Variants in RANBP17 observed in about 807,000 individuals in gnomAD.
The protein encoded by RANBP17 is ran-binding protein 17.
Under a neutral mutation model 141.2 loss-of-function variants are expected in RANBP17, and 158 were observed. The ratio of observed to expected loss-of-function variants is 1.12; its 90% CI spans 0.98 to 1.28. The LOEUF (loss-of-function observed/expected upper bound fraction) is 1.28. Ranked by LOEUF, RANBP17 falls within the 50% of genes most tolerant of loss-of-function variation. The pLI, the probability that RANBP17 is intolerant of heterozygous loss-of-function variation, is 0.00. For missense variants in RANBP17, 1,438 were observed against 1,290.7 expected (o/e 1.11, Z -1.75); for synonymous variants, 430 against 450.0 (o/e 0.96, Z 0.56).
rs921528261 is a variant in RANBP17, at chr5:170,924,513, A to G, written c.1431A>G (p.Pro477=). Residue 477 remains proline (P), a synonymous_variant, in exon 12 of 28, where the codon CCA becomes CCG. Coordinates refer to ENST00000523189, the MANE Select transcript of RANBP17 (RefSeq NM_022897.5). The part of the protein sequence containing the change: ...NAQNYQKLLH[P]YSGVTVDITI... ...AGAATTACCAAAAACTTCTGCATCC[A>G]TATTCTGGTGTAACTGTGGACATCA... 4 of 1,610,914 alleles carry G rather than the reference A, an allele frequency of 2.5e-6. No individual in the cohort carries two copies. The highest frequency in any genetic ancestry group is 1.3e-5 in the African/African-American group (1 of 75,014).
chr5:171,257,800 A>T (rs1765999804), intron 24 of RANBP17, among the ~76,000 whole-genome samples: 1 of 152,172 alleles, frequency 6.6e-6, no homozygotes, highest in Non-Finnish European at 1.5e-5. Context: ...AGTGCCATTT[A>T]TAATAGCTAT....
chr5:171,013,325 T>A (rs1333959872), intron 14 of RANBP17, among the ~76,000 whole-genome samples: 1 of 152,156 alleles, frequency 6.6e-6, no homozygotes, highest in African/African-American at 2.4e-5. Context: ...TCCAGCCGAC[T>A]TTCCTATTGA....
At chr5:171,238,982 C>T (rs990784680) in intron 22 of RANBP17, among the ~76,000 whole-genome samples, 5 of 152,172 alleles carry the variant, frequency 3.3e-5, no homozygotes, top group South Asian at 2.1e-4. Context: ...TTTCCCCCAA[C>T]GGACTGAACT....
intron 14 of RANBP17, among the ~76,000 whole-genome samples, chr5:171,090,800 C>T (rs190752480): frequency 2.0e-5 from 3 of 152,258 alleles, no homozygotes; most frequent in Admixed American, 2.0e-4. Context: ...GGGTGGAAGC[C>T]CCAAGCCTTG....
At chr5:171,186,006 A>C (rs1561743241) in intron 18 of RANBP17, among the ~76,000 whole-genome samples, 2 of 152,220 alleles carry the variant, frequency 1.3e-5, no homozygotes, top group Non-Finnish European at 2.9e-5. Flanking sequence ...ATGTGCTGTC[A>C]TCCAGGCTTT....
chr5:170,906,436 A>G (rs1055137433), intron 5 of RANBP17, among the ~76,000 whole-genome samples: 1 of 151,956 alleles, frequency 6.6e-6, no homozygotes, highest in Admixed American at 6.6e-5. Context: ...CACAGAAATG[A>G]TACTGTGCCC....
intron 14 of RANBP17, among the ~76,000 whole-genome samples, chr5:171,068,423 T>A (rs1383078715): frequency 6.6e-6 from 1 of 152,236 alleles, no homozygotes; most frequent in African/African-American, 2.4e-5. Context: ...TTTTGTCAAT[T>A]TTCTTCCTGT....
chr5:170,918,692 T>C (rs1292008920), intron 9 of RANBP17, 21 bp from the exon 10 acceptor site: 1 of 1,578,624 alleles, frequency 6.3e-7, no homozygotes, highest in South Asian at 1.2e-5. Context: ...TTTAAGCCTT[T>C]CTTTTTGTCT....
At chr5:171,032,687 C>G (rs1206353588) in intron 14 of RANBP17, among the ~76,000 whole-genome samples, 1 of 152,086 alleles carries the variant, frequency 6.6e-6, no homozygotes, top group African/African-American at 2.4e-5. Flanking sequence ...TTCCCGTCAT[C>G]ACTGTAATAC....
At chr5:171,261,090 C>CAAA (rs11388391) in intron 24 of RANBP17, among the ~76,000 whole-genome samples, 3 of 68,484 alleles carry the variant, frequency 4.4e-5, no homozygotes, top group African/African-American at 6.1e-5. Flanking sequence ...CCACCCCCCC[C>CAAA]AAAAAAAAAA....
At chr5:170,912,513 A>G (rs1053295722) in intron 7 of RANBP17, among the ~76,000 whole-genome samples, 4 of 151,992 alleles carry the variant, frequency 2.6e-5, no homozygotes, top group African/African-American at 9.7e-5. Flanking sequence ...TCAGAAAGAT[A>G]TAAAGAATAT....
intron 24 of RANBP17, among the ~76,000 whole-genome samples, chr5:171,259,720 C>T (rs1766155156): frequency 6.6e-6 from 1 of 152,154 alleles, no homozygotes; most frequent in Non-Finnish European, 1.5e-5. Context: ...GTGGCTCACG[C>T]CCGTAATCCC....
chr5:170,900,493 T>A (rs1770539178), intron 5 of RANBP17, among the ~76,000 whole-genome samples: 1 of 152,172 alleles, frequency 6.6e-6, no homozygotes, highest in Non-Finnish European at 1.5e-5. Context: ...TTTGAAGGGT[T>A]GTTCGTGTCT....
intron 22 of RANBP17, 140 bp downstream of exon 22, chr5:171,221,980 G>A (rs1458668436): frequency 2.0e-5 from 12 of 609,334 alleles, no homozygotes; most frequent in Non-Finnish European, 3.4e-5. Context: ...CAAAAAGCCA[G>A]TTAGCTATCA....
chr5:171,194,296 A>G (rs1046622229), intron 18 of RANBP17, among the ~76,000 whole-genome samples: 2 of 152,114 alleles, frequency 1.3e-5, no homozygotes, highest in Admixed American at 1.3e-4. Context: ...TGCAGCCATC[A>G]CCATTATCTA....
chr5:171,203,609 G>T (rs1762420823), intron 19 of RANBP17, among the ~76,000 whole-genome samples: 1 of 151,826 alleles, frequency 6.6e-6, no homozygotes, highest in Non-Finnish European at 1.5e-5. Context: ...TAAAAAAAAA[G>T]CCAATAGATT....
At chr5:171,072,962 AAAGG>A (rs1784712561) in intron 14 of RANBP17, among the ~76,000 whole-genome samples, 2 of 152,150 alleles carry the variant, frequency 1.3e-5, no homozygotes, top group Non-Finnish European at 2.9e-5. Flanking sequence ...GCTAGAACTA[AAAGG>A]CAGTGTATAG....
intron 16 of RANBP17, among the ~76,000 whole-genome samples, chr5:171,175,778 A>T (rs1315069057): frequency 6.6e-6 from 1 of 151,768 alleles, no homozygotes; most frequent in Non-Finnish European, 1.5e-5. Flanking sequence ...AGAGTTCCAC[A>T]TTCGTTTTTG....
chr5:171,137,338 T>G (rs1581712199), intron 14 of RANBP17, among the ~76,000 whole-genome samples: 2 of 152,288 alleles, frequency 1.3e-5, no homozygotes, highest in East Asian at 3.9e-4. Flanking sequence ...AGACATCTAT[T>G]CTAGGGAATT....
Sources: allele counts gnomAD v4.1 joint callset (sites outside exome capture counted in the v4.1 genomes callset), GRCh38; gene constraint gnomAD v4.1.1; transcripts MANE v1.5; gene names NCBI Gene and HGNC (gene_info 2026-07-23, HGNC 2026-07-21).